The following MYO9A variants were observed in gnomAD, a reference collection of about 807,000 sequenced individuals.
MYO9A encodes the protein myosin IXA, also known as unconventional myosin-IXa.
Under a neutral mutation model 293.3 loss-of-function variants are expected in MYO9A, and 103 were observed. That is an observed-to-expected ratio of 0.35 (90% CI 0.30 to 0.41). The LOEUF is 0.41. Ranked by LOEUF, MYO9A falls within the 10% of genes least tolerant of loss-of-function variation. The pLI is 1.00. For synonymous variants in MYO9A, 1,001 were observed against 1,035.7 expected, an observed-to-expected ratio of 0.97 and a Z score of 0.64; for missense variants, 2,685 against 3,033.0, an observed-to-expected ratio of 0.89 and a Z score of 2.69.
intron 35 of MYO9A, among the ~76,000 whole-genome samples, chr15:71,852,822 G>A (rs1197834876): frequency 6.6e-6 from 1 of 152,192 alleles, no homozygotes; most frequent in Non-Finnish European, 1.5e-5. Context: ...TCATGGCCAG[G>A]AGCAGCGGCT....
chr15:72,043,711 G>A (rs890249169), intron 2 of MYO9A, among the ~76,000 whole-genome samples: 1 of 152,150 alleles, frequency 6.6e-6, no homozygotes, highest in Middle Eastern at 3.4e-3. Context: ...CGTGAAAGAG[G>A]GATTACAAAG....
intron 2 of MYO9A, chr15:72,045,173 C>A (rs1224571399): frequency 6.6e-6 from 1 of 152,108 alleles, no homozygotes; most frequent in Admixed American, 6.6e-5. Flanking sequence ...ATAGCAAGAA[C>A]AGTATTTCTA....
At chr15:72,077,742 AAAAAAAAAAAAT>A (rs2079404023) in intron 1 of MYO9A, among the ~76,000 whole-genome samples, 1 of 33,962 alleles carries the variant, frequency 2.9e-5, no homozygotes, top group East Asian at 3.4e-4. Context: ...AGAAAAAAAA[AAAAAAAAAAAAT>A]ATATATATAT....
At chr15:71,935,807 G>C (rs1175880233) in intron 16 of MYO9A, among the ~76,000 whole-genome samples, 1 of 151,820 alleles carries the variant, frequency 6.6e-6, no homozygotes, top group East Asian at 1.9e-4. Flanking sequence ...CTCTTTGTTA[G>C]ATTTTAGAAT....
At position 71,893,666 on chromosome 15, in the gene MYO9A, A is replaced by G; in HGVS notation, c.5142+13T>C. On this transcript the variant is annotated intron_variant, in intron 26 of 41. Coordinates refer to ENST00000356056, the MANE Select transcript of MYO9A (RefSeq NM_006901.4). ...TTGTATAGAAGATAGATAAACAAAA[A>G]CTCAAAACTTACCTCTCTTTGGCCT... 6.2e-7 allele frequency: 1 copy of G among 1,601,234 alleles called. No individual in the cohort carries two copies. The highest frequency in any genetic ancestry group is 8.6e-7 in the Non-Finnish European group (1 of 1,168,796).
intron 1 of MYO9A, among the ~76,000 whole-genome samples, chr15:72,056,260 T>G (rs1486254276): frequency 1.3e-5 from 2 of 151,918 alleles, no homozygotes; most frequent in Non-Finnish European, 2.9e-5. Context: ...GAAAAAGAAG[T>G]CATTTATACA....
chr15:72,102,258 G>A (rs1284455753), intron 1 of MYO9A, among the ~76,000 whole-genome samples: 1 of 150,648 alleles, frequency 6.6e-6, no homozygotes, highest in South Asian at 2.1e-4. Context: ...GGTGCAAGAT[G>A]TGCTTTGTTA....
At position 71,994,452 on chromosome 15, in the gene MYO9A, A is replaced by G; in HGVS notation, c.1587+17T>C. 1.4e-6 allele frequency: 2 copies of G among 1,444,720 alleles called. No homozygotes were observed. Among genetic ancestry groups the G allele is most frequent in the Non-Finnish European group, 1.9e-6 (2 of 1,056,274 alleles). 89.5% of individuals were successfully genotyped at this position (1,444,720 alleles called of 1,614,324 possible). On this transcript the variant is annotated intron_variant, in intron 10 of 41. Transcript: ENST00000356056. Reference sequence around the variant, plus strand: ...AGCTTTCAGGGAAAAACATATTATAATCCAATATATCATTACCTTGGTATT... The same window carrying G: ...AGCTTTCAGGGAAAAACATATTATAGTCCAATATATCATTACCTTGGTATT...
chr15:72,095,289 A>T (rs1313054651), intron 1 of MYO9A, among the ~76,000 whole-genome samples: 1 of 92,906 alleles, frequency 1.1e-5, no homozygotes, highest in Non-Finnish European at 3.3e-5. Context: ...CTTACTACTG[A>T]TATGGAGAAA....
At position 72,004,266 on chromosome 15, in the gene MYO9A, A is replaced by T. The variant is rs116866396; in HGVS notation, c.1380+3560T>A. On this transcript the variant is annotated intron_variant, in intron 8 of 41. Transcript: ENST00000356056. ...TTAAAAATCTGATATGTAATTAAAA[A>T]TCTATTCTTGGCCGGGCACAGTGGC... Among the ~76,000 whole-genome samples the T allele has an allele frequency of 1.2e-4, 19 of 152,342 alleles. No individual in the cohort carries two copies. In the East Asian group the frequency reaches 3.7e-3, roughly 29 times the overall value.
At chr15:72,043,683 T>C (rs1221439993) in intron 2 of MYO9A, among the ~76,000 whole-genome samples, 3 of 152,112 alleles carry the variant, frequency 2.0e-5, no homozygotes. Flanking sequence ...TTCCCATATA[T>C]GGGTGGGCTG....
rs1165965127 is a variant in MYO9A at position 71,827,992 on chromosome 15, G to GT, written c.7074dup (p.Pro2359ThrfsTer5). The GT allele has an allele frequency of 1.2e-6, 2 of 1,613,722 alleles. No individual in the cohort carries two copies. The highest frequency in any genetic ancestry group is 1.7e-6 in the Non-Finnish European group (2 of 1,179,772). Reference sequence around the variant, plus strand: ...AGGGTTTCATCATCAGAGGCACGGGGTTCCAGTACAAGCATCTCAAATGTT... The same window carrying GT: ...AGGGTTTCATCATCAGAGGCACGGGGTTTCCAGTACAAGCATCTCAAATGTT... On this transcript the variant is annotated frameshift_variant, in exon 41 of 42. Transcript: ENST00000356056. LOFTEE classifies it high-confidence loss of function.
chr15:72,103,472 A>G (rs2080455793), intron 1 of MYO9A, among the ~76,000 whole-genome samples: 1 of 151,668 alleles, frequency 6.6e-6, no homozygotes, highest in Non-Finnish European at 1.5e-5. Context: ...AAGCAGCAGC[A>G]GAAGCAGAAG....
intron 1 of MYO9A, among the ~76,000 whole-genome samples, chr15:72,104,931 T>A (rs559116426): frequency 6.6e-6 from 1 of 152,200 alleles, no homozygotes; most frequent in East Asian, 1.9e-4. Flanking sequence ...GAAGATACAA[T>A]GTATCCTTAC....
In MYO9A at chr15:71,938,946, C is replaced by A; in HGVS notation, c.2303-19G>T. Reference sequence around the variant, plus strand: ...GTTATACCTAGCAAAATTTAAAAAACAGAAAATTTCAAATCAGTGCAAAGA... The same window carrying A: ...GTTATACCTAGCAAAATTTAAAAAAAAGAAAATTTCAAATCAGTGCAAAGA... On this transcript the variant is annotated intron_variant, in intron 15 of 41. Coordinates refer to ENST00000356056, the MANE Select transcript of MYO9A (RefSeq NM_006901.4). 6.4e-7 allele frequency: 1 copy of A among 1,574,036 alleles called. No homozygotes were observed. Among genetic ancestry groups the A allele is most frequent in the South Asian group, 1.2e-5 (1 of 86,356 alleles).
intron 30 of MYO9A, among the ~76,000 whole-genome samples, chr15:71,878,844 T>C (rs1200258636): frequency 5.3e-5 from 8 of 150,476 alleles, no homozygotes; most frequent in East Asian, 2.0e-4. Context: ...CCTCAAGCTA[T>C]TGAATGGGTT....
Position 71,897,623 on chromosome 15 carries a change from C to A in MYO9A, c.4880G>T (p.Gly1627Val). ...TTTACAGGCTACATTCAGCTGGGTG[C>A]CCATTCTGTCTGTCTTGGATAATTC... ...VKELSKTDRM[G>V]TQLNVACKLS... Residue 1627 changes from glycine (G) to valine (V), a missense_variant, in exon 25 of 42, where the codon GGC (glycine) becomes GTC (valine). Transcript: ENST00000356056. 1.2e-6 allele frequency: 2 copies of A among 1,614,078 alleles called. No individual in the cohort carries two copies. The highest frequency in any genetic ancestry group is 2.2e-5 in the South Asian group (2 of 91,066).
At chr15:71,859,000 T>C (rs2055996130) in intron 34 of MYO9A, among the ~76,000 whole-genome samples, 1 of 152,178 alleles carries the variant, frequency 6.6e-6, no homozygotes, top group African/African-American at 2.4e-5. Flanking sequence ...AACAAACTTT[T>C]TTAGTATTTG....
At chr15:71,942,994 T>C (rs1767395899) in intron 15 of MYO9A, among the ~76,000 whole-genome samples, 1 of 152,078 alleles carries the variant, frequency 6.6e-6, no homozygotes, top group Admixed American at 6.5e-5. Context: ...CATATTTGCC[T>C]GGTACATCAC....
Sources: allele counts gnomAD v4.1 joint callset (sites outside exome capture counted in the v4.1 genomes callset), GRCh38; gene constraint gnomAD v4.1.1; transcripts MANE v1.5; gene names NCBI Gene and HGNC (gene_info 2026-07-23, HGNC 2026-07-21).